Variants in PLOD2 observed in about 807,000 individuals in gnomAD.
PLOD2 encodes lysine hydroxylase 2.
In PLOD2, 65 loss-of-function variants were observed where a neutral mutation model predicts 101.0. The ratio of observed to expected loss-of-function variants is 0.64; its 90% confidence interval spans 0.53 to 0.79. The LOEUF (loss-of-function observed/expected upper bound fraction) is 0.79. Ranked by LOEUF, PLOD2 falls within the 30% of genes least tolerant of loss-of-function variation. The pLI is 0.00. For synonymous variants in PLOD2, 314 were observed against 302.9 expected (o/e 1.04, Z -0.38); for missense variants, 909 against 914.6 (o/e 0.99, Z 0.08).
intron 15 of PLOD2, 44 bp from the exon 16 acceptor site, chr3:146,073,396 C>T (rs773701806): frequency 5.6e-6 from 4 of 719,112 alleles, no homozygotes; most frequent in South Asian, 5.2e-5. Flanking sequence ...TTTATAAATA[C>T]TTCACTGAAA....
intron 7 of PLOD2, among the ~76,000 whole-genome samples, chr3:146,095,729 G>A (rs1164228705): frequency 1.3e-5 from 2 of 152,084 alleles, no homozygotes; most frequent in East Asian, 3.9e-4. Context: ...AGGATTCTAA[G>A]TCATTCTACT....
At position 146,076,822 on chromosome 3, in the gene PLOD2, TG is replaced by T; in HGVS notation, c.1636del (p.His546IlefsTer21). ...AATCTGCCAGAGGTCATTGTTATAA[TG>T]GGAAGTATTGTAATTAGCAGTGGAT... ...LLSTANYNTS[H>X]YNNDLWQIFE... On this transcript the variant is annotated frameshift_variant, in exon 15 of 20. Transcript: ENST00000282903. LOFTEE classifies it high-confidence loss of function. The T allele has an allele frequency of 1.9e-6, 3 of 1,586,984 alleles. No individual in the cohort carries two copies. Among genetic ancestry groups the T allele is most frequent in the Non-Finnish European group, 2.6e-6 (3 of 1,156,894 alleles).
intron 3 of PLOD2, among the ~76,000 whole-genome samples, chr3:146,119,445 C>CT (rs145017515): frequency 0.51 from 76,582 of 150,946 alleles, 19,435 homozygotes; most frequent in East Asian, 0.56. Context: ...ACTTTTGCCT[C>CT]TTTTTTTTTA....
At chr3:146,116,689 A>G (rs1046480855) in intron 3 of PLOD2, among the ~76,000 whole-genome samples, 1 of 152,180 alleles carries the variant, frequency 6.6e-6, no homozygotes, top group Admixed American at 6.6e-5. Context: ...ATTTGCAACA[A>G]TAAAATGGTT....
At chr3:146,114,193 C>A (rs1364559563) in intron 3 of PLOD2, among the ~76,000 whole-genome samples, 1 of 151,896 alleles carries the variant, frequency 6.6e-6, no homozygotes, top group African/African-American at 2.4e-5. Context: ...TTAATTTCGC[C>A]CCGGTCCTGT....
At position 146,160,954 on chromosome 3, in the gene PLOD2, G is replaced by A. The variant is rs747560597; in HGVS notation, c.36C>T (p.Leu12=). The A allele has an allele frequency of 9.4e-6, 15 of 1,599,710 alleles. No individual in the cohort carries two copies. Among genetic ancestry groups the A allele is most frequent in the Admixed American group, 6.8e-5 (4 of 58,512 alleles). The change falls in exon 1 of 20, where the codon CTC becomes CTT. Residue 12 remains leucine, a synonymous_variant. Transcript: ENST00000282903. ...GGCTVKPQLL[L]LALVLHPWNP... ...TCCAGGGGTGGAGGACGAGCGCCAGGAGCAGCAGCTGAGGCTTCACCGTGC... is the reference window on the plus strand; with the variant it reads ...TCCAGGGGTGGAGGACGAGCGCCAGAAGCAGCAGCTGAGGCTTCACCGTGC...
intron 3 of PLOD2, among the ~76,000 whole-genome samples, chr3:146,116,796 G>T (rs995994653): frequency 6.6e-6 from 1 of 151,994 alleles, no homozygotes; most frequent in Non-Finnish European, 1.5e-5. Flanking sequence ...TTTTCCTTTT[G>T]TTCTGAGAAT....
At chr3:146,125,671 C>CG (rs1371190985) in intron 1 of PLOD2, among the ~76,000 whole-genome samples, 10 of 152,078 alleles carry the variant, frequency 6.6e-5, no homozygotes, top group East Asian at 5.8e-4. Flanking sequence ...CGCTTGAACT[C>CG]GGGGGGCGGA....
At chr3:146,071,231 G>A in intron 18 of PLOD2, 46 bp downstream of exon 18, 2 of 1,611,058 alleles carry the variant, frequency 1.2e-6, no homozygotes, top group Non-Finnish European at 1.7e-6. Flanking sequence ...GAACACCTGT[G>A]TAAAAATGGG....
At chr3:146,144,366 C>T (rs889978579) in intron 1 of PLOD2, among the ~76,000 whole-genome samples, 1 of 151,946 alleles carries the variant, frequency 6.6e-6, no homozygotes, top group Non-Finnish European at 1.5e-5. Context: ...CCCCTAAAAC[C>T]TTGAAGAAAG....
At chr3:146,095,896 C>A (rs1937136439) in intron 7 of PLOD2, among the ~76,000 whole-genome samples, 1 of 145,918 alleles carries the variant, frequency 6.9e-6, no homozygotes, top group Non-Finnish European at 1.5e-5. Flanking sequence ...TCCCCTCTCC[C>A]CCCTCCCCCC....
At position 146,081,841 on chromosome 3, in the gene PLOD2, T is replaced by A. The variant is rs776654051; in HGVS notation, c.1255A>T (p.Thr419Ser). ...TTGGACCACAGCTTTCCATGACGAG[T>A]TACAAGAGGAGCAATGATCTTTCTA... ...QNRKIIAPLV[T>S]RHGKLWSNFW... The change falls in exon 12 of 20, where the codon ACT becomes TCT. Residue 419 changes from threonine to serine, a missense_variant. By Grantham distance (58) the Thr-to-Ser change is moderately conservative. Coordinates refer to ENST00000282903, the MANE Select transcript of PLOD2 (RefSeq NM_182943.3). The A allele has an allele frequency of 7.4e-6, 12 of 1,612,536 alleles. No individual in the cohort carries two copies. In the East Asian group the frequency reaches 1.6e-4, roughly 21 times the overall value.
At chr3:146,083,831 T>C (rs1936662262) in intron 11 of PLOD2, among the ~76,000 whole-genome samples, 1 of 152,024 alleles carries the variant, frequency 6.6e-6, no homozygotes, top group Non-Finnish European at 1.5e-5. Flanking sequence ...TCCACCCACC[T>C]TGGCCTCCCA....
At chr3:146,073,863 G>A (rs944619493) in intron 15 of PLOD2, among the ~76,000 whole-genome samples, 1 of 151,500 alleles carries the variant, frequency 6.6e-6, no homozygotes, top group Admixed American at 6.6e-5. Flanking sequence ...ATGAATTAGT[G>A]AACTAATTAA....
At chr3:146,134,765 A>T (rs565020018) in intron 1 of PLOD2, among the ~76,000 whole-genome samples, 1 of 152,368 alleles carries the variant, frequency 6.6e-6, no homozygotes, top group East Asian at 1.9e-4. Flanking sequence ...ATGAATAAGG[A>T]GAGTTGCCCT....
intron 3 of PLOD2, among the ~76,000 whole-genome samples, chr3:146,112,071 C>T (rs1036275788): frequency 6.6e-6 from 1 of 152,102 alleles, no homozygotes; most frequent in Non-Finnish European, 1.5e-5. Flanking sequence ...TTGCAGGTAG[C>T]AGCATGCATA....
chr3:146,093,703 ATATAAAGACTGG>A (rs1181045535), intron 7 of PLOD2, among the ~76,000 whole-genome samples: 2 of 152,166 alleles, frequency 1.3e-5, no homozygotes, highest in African/African-American at 4.8e-5. Context: ...TCTCTATTAT[ATATAAAGACTGG>A]TATTTCCACC....
intron 1 of PLOD2, among the ~76,000 whole-genome samples, chr3:146,140,121 T>C (rs537141472): frequency 6.4e-4 from 98 of 152,176 alleles, no homozygotes; most frequent in African/African-American, 2.3e-3. Flanking sequence ...AGGGTCAGGA[T>C]ACTCCAGTAT....
chr3:146,110,860 G>C (rs1480049816), intron 3 of PLOD2, among the ~76,000 whole-genome samples: 3 of 152,066 alleles, frequency 2.0e-5, no homozygotes, highest in African/African-American at 7.2e-5. Flanking sequence ...CAGTCCATTA[G>C]TTTCTGAAGA....
Sources: gnomAD v4.1 joint callset for allele counts (sites outside exome capture counted in the v4.1 genomes callset) on GRCh38, gnomAD v4.1.1 for gene constraint, MANE v1.5 for transcripts, NCBI Gene and HGNC (gene_info 2026-07-23, HGNC 2026-07-21) for gene names.